The following APOLD1 variants were observed in gnomAD, a reference collection of about 807,000 sequenced individuals.
APOLD1 encodes the protein apolipoprotein L domain containing 1.
APOLD1 carries 22 observed loss-of-function variants against 15.3 expected under a neutral mutation model. The ratio of observed to expected loss-of-function variants is 1.44; its 90% CI spans 1.03 to 2.05. APOLD1 has a LOEUF of 2.05. APOLD1 is among the 30% of genes most tolerant of loss of function. The pLI is 0.00. For missense variants in APOLD1, 394 were observed against 353.5 expected, an observed-to-expected ratio of 1.11 and a Z score of -0.92; for synonymous variants, 190 against 167.4, an observed-to-expected ratio of 1.13 and a Z score of -1.04.
intron 1 of APOLD1, among the ~76,000 whole-genome samples, chr12:12,735,256 C>A (rs1304216531): frequency 6.6e-6 from 1 of 151,944 alleles, no homozygotes; most frequent in Admixed American, 6.6e-5. Flanking sequence ...ATAAAAAATG[C>A]CATTCCATCC....
intron 1 of APOLD1, among the ~76,000 whole-genome samples, chr12:12,750,080 T>C (rs1460029878): frequency 1.3e-5 from 2 of 152,058 alleles, no homozygotes; most frequent in East Asian, 3.9e-4. Context: ...TAATAAGAAA[T>C]TGGGAAAGAT....
intron 1 of APOLD1, among the ~76,000 whole-genome samples, chr12:12,752,490 C>T (rs1592296602): frequency 6.6e-6 from 1 of 152,178 alleles, no homozygotes; most frequent in Admixed American, 6.5e-5. Flanking sequence ...CAGACCACTT[C>T]TTGGACTTAT....
intron 1 of APOLD1, among the ~76,000 whole-genome samples, chr12:12,767,855 G>A (rs762124848): frequency 6.6e-6 from 1 of 150,868 alleles, no homozygotes; most frequent in African/African-American, 2.4e-5. Flanking sequence ...GTGTGATCTC[G>A]GCTCACTGAA....
chr12:12,778,830 TCTAA>T (rs1189420996), intron 1 of APOLD1, among the ~76,000 whole-genome samples: 1 of 152,192 alleles, frequency 6.6e-6, no homozygotes, highest in Non-Finnish European at 1.5e-5. Flanking sequence ...TCAATAACCT[TCTAA>T]CTGTCTCCTG....
chr12:12,787,319 C>A lies in APOLD1; in HGVS notation c.414C>A (p.Leu138=). 1 of 1,613,440 alleles carries A rather than the reference C, an allele frequency of 6.2e-7. No homozygotes were observed. The stretch of plus-strand genomic sequence containing the variant: ...AGATGCGAGAGATCCTGAGCTGCCT[C>A]GAGTTTTTCTGCCGCTGGCAGGGCT... ...QDQMREILSC[L]EFFCRWQGCG... The change falls in exon 2 of 2, where the codon CTC becomes CTA. Residue 138 remains leucine (L), a synonymous_variant. Coordinates refer to ENST00000356591, the MANE Select transcript of APOLD1 (RefSeq NM_030817.3). This position sits in a 1 kb window ranked among gnomAD's most constrained non-coding sequence, Gnocchi z 4.9.
intron 1 of APOLD1, among the ~76,000 whole-genome samples, chr12:12,732,639 C>T (rs1355620710): frequency 2.0e-5 from 3 of 150,320 alleles, no homozygotes; most frequent in Non-Finnish European, 3.0e-5. Context: ...GCAGGAGAAT[C>T]GCTTAAACCT....
At chr12:12,770,566 T>C (rs1376874088) in intron 1 of APOLD1, among the ~76,000 whole-genome samples, 2 of 80,062 alleles carry the variant, frequency 2.5e-5, no homozygotes, top group African/African-American at 1.2e-4. Context: ...AAAAAAAGAC[T>C]GAAAAAAAAA....
intron 1 of APOLD1, among the ~76,000 whole-genome samples, chr12:12,764,002 A>T (rs1300971065): frequency 6.6e-6 from 1 of 152,062 alleles, no homozygotes; most frequent in Non-Finnish European, 1.5e-5. Context: ...TCACTCTGTC[A>T]CCCAGGCTGG....
chr12:12,726,015 G>T (rs562420626), exon 1 of APOLD1: 21 of 1,522,096 alleles, frequency 1.4e-5, no homozygotes, highest in East Asian at 1.0e-4. Flanking sequence ...TCCGCGCGCC[G>T]TGTCACCGGC....
intron 1 of APOLD1, among the ~76,000 whole-genome samples, chr12:12,760,510 G>T (rs772312510): frequency 1.3e-4 from 19 of 151,408 alleles, no homozygotes; most frequent in African/African-American, 4.4e-4. Context: ...GTGGTTCTGG[G>T]CGCCTATAAT....
intron 1 of APOLD1, chr12:12,786,604 C>G (rs1442346225): frequency 1.0e-6 from 1 of 969,342 alleles, no homozygotes; most frequent in Non-Finnish European, 1.2e-6. Flanking sequence ...CAGTTTAAAT[C>G]TTATTTAACA....
chr12:12,758,081 G>A (rs1212341090), intron 1 of APOLD1, among the ~76,000 whole-genome samples: 2 of 145,882 alleles, frequency 1.4e-5, no homozygotes, highest in African/African-American at 5.1e-5. Context: ...ACCCACCACC[G>A]TGATGCCTGG....
Position 12,787,052 on chromosome 12 carries a change from C to T in APOLD1, c.147C>T (p.Arg49=). The T allele has an allele frequency of 7.3e-7, 1 of 1,375,838 alleles. No individual in the cohort carries two copies. Among genetic ancestry groups the T allele is most frequent in the Non-Finnish European group, 9.3e-7 (1 of 1,075,264 alleles). 85.2% of individuals were successfully genotyped at this position (1,375,838 alleles called of 1,614,324 possible). A position where few individuals can be genotyped will look rare whatever the true frequency, so the allele number is the denominator to read the frequency against. The change falls in exon 2 of 2, where the codon CGC becomes CGT. Residue 49 remains arginine (R), a synonymous_variant. Transcript: ENST00000356591. The surrounding 1 kb of genome is among the most constrained non-coding windows in gnomAD (Gnocchi z 4.9). ...REVARRLERL[R]RRSLVANVAG... The stretch of plus-strand genomic sequence containing the variant: ...TGGCCCGGCGCCTGGAGCGCCTGCG[C>T]AGGCGCTCCCTCGTAGCCAACGTGG...
At chr12:12,770,567 G>GAAAAAAAAAAAAAAAGAAAAA (rs36112693) in intron 1 of APOLD1, among the ~76,000 whole-genome samples, 1 of 119,268 alleles carries the variant, frequency 8.4e-6, no homozygotes, top group Non-Finnish European at 1.8e-5. Flanking sequence ...AAAAAAGACT[G>GAAAAAAAAAAAAAAAGAAAAA]AAAAAAAAAA....
intron 1 of APOLD1, among the ~76,000 whole-genome samples, chr12:12,731,517 TG>T (rs1946641765): frequency 6.6e-6 from 1 of 152,150 alleles, no homozygotes; most frequent in South Asian, 2.1e-4. Context: ...TTGGGAAAAA[TG>T]TTTGCAACCC....
At chr12:12,755,508 C>A (rs1946850980) in intron 1 of APOLD1, among the ~76,000 whole-genome samples, 1 of 152,142 alleles carries the variant, frequency 6.6e-6, no homozygotes, top group Non-Finnish European at 1.5e-5. Flanking sequence ...ACAAATATAA[C>A]CCACAATAAT....
At position 12,791,083 on chromosome 12, in the gene APOLD1, G is replaced by A. The variant is rs1947182962; in HGVS notation, c.*3431G>A. On this transcript the variant is annotated 3_prime_UTR_variant, in exon 2 of 2. Transcript: ENST00000356591. ...GTTTCACAATAAAGGAGATTCACTG[G>A]GTTCTGCATTTTCAGGATTCAATAG... is the stretch of plus-strand genomic sequence containing the variant. 1 of 152,070 alleles carries A rather than the reference G, an allele frequency of 6.6e-6. No individual in the cohort carries two copies. The highest frequency in any genetic ancestry group is 1.5e-5 in the Non-Finnish European group (1 of 68,004). The allele number at this position is 152,070 out of a possible 1,614,324, so 9.4% of individuals were successfully genotyped here.
chr12:12,725,979 A>G (rs1946587543), exon 1 of APOLD1: 3 of 1,486,492 alleles, frequency 2.0e-6, no homozygotes, highest in Non-Finnish European at 2.7e-6. Context: ...GGGGACAGAG[A>G]TGTAACCCAA....
At chr12:12,784,515 T>C (rs1269219119), upstream of APOLD1, among the ~76,000 whole-genome samples, 2 of 152,214 alleles carry the variant, frequency 1.3e-5, no homozygotes, top group African/African-American at 4.8e-5. Context: ...GTCCTTTCTG[T>C]TGCTACTGTT....
Sources: gnomAD v4.1 joint callset for allele counts (sites outside exome capture counted in the v4.1 genomes callset) on GRCh38, gnomAD v4.1.1 for gene constraint, Gnocchi (gnomAD v3.1) non-coding constraint, MANE v1.5 for transcripts, NCBI Gene and HGNC (gene_info 2026-07-23, HGNC 2026-07-21) for gene names.